The following SLC38A12 variants were observed in gnomAD, a reference collection of about 807,000 sequenced individuals.
SLC38A12 encodes putative sodium-coupled neutral amino acid transporter 12.
the SLC38A12 span, chr17:74,788,812 T>C: frequency 1.9e-6 from 3 of 1,613,460 alleles, no homozygotes; most frequent in African/African-American, 2.7e-5. Flanking sequence ...ACCTTTGTGA[T>C]AGAGGCCATG....
the SLC38A12 span, among the ~76,000 whole-genome samples, chr17:74,820,439 C>T: frequency 6.6e-6 from 1 of 152,224 alleles, no homozygotes; most frequent in African/African-American, 2.4e-5. Flanking sequence ...TCTGTTCCCC[C>T]AAACAGGTTG....
At chr17:74,831,510 C>T in the SLC38A12 span, among the ~76,000 whole-genome samples, 6 of 152,314 alleles carry the variant, frequency 3.9e-5, no homozygotes, top group East Asian at 1.2e-3. Context: ...GCTGAGCCTT[C>T]CGAGGCCCAG....
At chr17:74,825,125 G>C in the SLC38A12 span, among the ~76,000 whole-genome samples, 1 of 152,174 alleles carries the variant, frequency 6.6e-6, no homozygotes, top group African/African-American at 2.4e-5. Context: ...AGAGGTCCCA[G>C]AAGGACCCCC....
At chr17:74,831,377 G>C in the SLC38A12 span, among the ~76,000 whole-genome samples, 1 of 152,234 alleles carries the variant, frequency 6.6e-6, no homozygotes. Flanking sequence ...CATTGTTGTT[G>C]AATGAAGGAA....
chr17:74,781,791 C>CAA, the SLC38A12 span, among the ~76,000 whole-genome samples: 1 of 152,198 alleles, frequency 6.6e-6, no homozygotes, highest in African/African-American at 2.4e-5. Flanking sequence ...CCAAAACATC[C>CAA]AACCCCCTGT....
the SLC38A12 span, among the ~76,000 whole-genome samples, chr17:74,823,826 T>TC: frequency 3.3e-5 from 5 of 152,200 alleles, no homozygotes; most frequent in South Asian, 2.1e-4. Flanking sequence ...CTTGCCTTGT[T>TC]CCCCCCGTGT....
At chr17:74,784,714 T>G in the SLC38A12 span, among the ~76,000 whole-genome samples, 1 of 151,956 alleles carries the variant, frequency 6.6e-6, no homozygotes, top group Non-Finnish European at 1.5e-5. Context: ...AGAAAGGGAA[T>G]CATTGTAAAC....
the SLC38A12 span, among the ~76,000 whole-genome samples, chr17:74,829,979 G>T: frequency 3.3e-3 from 509 of 152,278 alleles, no homozygotes; most frequent in African/African-American, 0.012. This position sits in a 1 kb window ranked among gnomAD's most constrained non-coding sequence, Gnocchi z 4.1. Flanking sequence ...CAGCCCTTAT[G>T]TTGATGCCCA....
the SLC38A12 span, among the ~76,000 whole-genome samples, chr17:74,788,047 A>G: frequency 2.0e-5 from 3 of 150,930 alleles, no homozygotes; most frequent in South Asian, 2.1e-4. Context: ...ACCCACCTCA[A>G]CCTCCCAAAG....
chr17:74,822,032 C>T, the SLC38A12 span, among the ~76,000 whole-genome samples: 7 of 152,298 alleles, frequency 4.6e-5, no homozygotes, highest in East Asian at 3.9e-4. Flanking sequence ...TCCGAAGACC[C>T]CTGCACTTGT....
At chr17:74,804,796 G>A in the SLC38A12 span, among the ~76,000 whole-genome samples, 3 of 152,238 alleles carry the variant, frequency 2.0e-5, no homozygotes, top group South Asian at 6.2e-4. Context: ...GCTGAGGCCG[G>A]GAGGCCCCTG....
chr17:74,790,828 GA>G, the SLC38A12 span: 25 of 718,168 alleles, frequency 3.5e-5, no homozygotes, highest in Admixed American at 3.9e-4. Flanking sequence ...GAAACATTAG[GA>G]AAAGTTTTCT....
At chr17:74,792,950 C>T in the SLC38A12 span, among the ~76,000 whole-genome samples, 3 of 152,214 alleles carry the variant, frequency 2.0e-5, no homozygotes, top group Non-Finnish European at 4.4e-5. Flanking sequence ...CAAATGCAAG[C>T]TTTAAAATAA....
chr17:74,778,790 T>G, the SLC38A12 span, among the ~76,000 whole-genome samples: 10 of 129,898 alleles, frequency 7.7e-5, no homozygotes, highest in African/African-American at 3.4e-4. Context: ...TGCCCCACCC[T>G]CCCAAGTAGC....
the SLC38A12 span, among the ~76,000 whole-genome samples, chr17:74,834,567 C>T: frequency 6.6e-6 from 1 of 152,166 alleles, no homozygotes; most frequent in African/African-American, 2.4e-5. Context: ...CTCTTCCTTC[C>T]AGGAGTCAGG....
the SLC38A12 span, among the ~76,000 whole-genome samples, chr17:74,812,465 C>A: frequency 1.1e-4 from 16 of 152,346 alleles, no homozygotes; most frequent in Middle Eastern, 3.4e-3. Flanking sequence ...CTTCACTACA[C>A]TTCAAGGACG....
At chr17:74,786,946 C>T in the SLC38A12 span, among the ~76,000 whole-genome samples, 13 of 152,240 alleles carry the variant, frequency 8.5e-5, no homozygotes, top group Admixed American at 2.0e-4. Flanking sequence ...TACCACACCC[C>T]GCTCCTTGCT....
the SLC38A12 span, among the ~76,000 whole-genome samples, chr17:74,778,212 C>T: frequency 5.0e-4 from 76 of 152,352 alleles, 2 homozygotes; most frequent in East Asian, 0.012. Flanking sequence ...GCCCCCAACA[C>T]ACACGCAGTT....
chr17:74,828,389 G>T, the SLC38A12 span, among the ~76,000 whole-genome samples: 2 of 152,218 alleles, frequency 1.3e-5, no homozygotes, highest in African/African-American at 4.8e-5. Context: ...CTCTGAGTGT[G>T]TGTGCACAAC....
Sources: gnomAD v4.1 joint callset for allele counts (sites outside exome capture counted in the v4.1 genomes callset) on GRCh38, gnomAD v4.1.1 for gene constraint, Gnocchi (gnomAD v3.1) non-coding constraint, MANE v1.5 for transcripts, NCBI Gene and HGNC (gene_info 2026-07-23, HGNC 2026-07-21) for gene names.